The following CHCHD3 variants were observed in gnomAD, a reference collection of about 807,000 sequenced individuals.
The protein encoded by CHCHD3 is MICOS complex subunit MIC19.
CHCHD3 carries 20 observed loss-of-function variants against 38.2 expected under a neutral mutation model. The ratio of observed to expected loss-of-function variants is 0.52; its 90% CI spans 0.37 to 0.76. CHCHD3 has a LOEUF of 0.76. Ranked by LOEUF, CHCHD3 falls within the 30% of genes least tolerant of loss-of-function variation. The pLI is 0.00. For synonymous variants in CHCHD3, 82 were observed against 100.0 expected, an observed-to-expected ratio of 0.82 and a Z score of 1.07; for missense variants, 245 against 279.2, an observed-to-expected ratio of 0.88 and a Z score of 0.87.
chr7:132,999,803 T>C (rs1418034329), intron 3 of CHCHD3, among the ~76,000 whole-genome samples: 1 of 152,162 alleles, frequency 6.6e-6, no homozygotes, highest in Non-Finnish European at 1.5e-5. Flanking sequence ...TCACAAAGTA[T>C]CTTAATTTAG....
At chr7:132,885,030 T>G (rs1460739523) in intron 5 of CHCHD3, among the ~76,000 whole-genome samples, 1 of 152,204 alleles carries the variant, frequency 6.6e-6, no homozygotes, top group African/African-American at 2.4e-5. Flanking sequence ...GGGAGGCAGA[T>G]GACTTGAGGC....
At chr7:132,806,219 T>C (rs1232394484) in intron 6 of CHCHD3, among the ~76,000 whole-genome samples, 1 of 152,074 alleles carries the variant, frequency 6.6e-6, no homozygotes, top group Non-Finnish European at 1.5e-5. Context: ...GACTGATAAA[T>C]GGCCAAGGAA....
chr7:132,802,228 A>G (rs1806811236), intron 6 of CHCHD3, among the ~76,000 whole-genome samples: 1 of 151,762 alleles, frequency 6.6e-6, no homozygotes, highest in Non-Finnish European at 1.5e-5. Context: ...GGAGAGCAGG[A>G]CTCTAATAAC....
At chr7:132,864,263 G>A (rs183569106) in intron 5 of CHCHD3, among the ~76,000 whole-genome samples, 47 of 152,220 alleles carry the variant, frequency 3.1e-4, no homozygotes, top group African/African-American at 6.5e-4. Flanking sequence ...GTATTGTTGC[G>A]TCTCAGGGAA....
At chr7:133,058,003 A>G (rs1814391597) in intron 2 of CHCHD3, among the ~76,000 whole-genome samples, 1 of 152,192 alleles carries the variant, frequency 6.6e-6, no homozygotes, top group Non-Finnish European at 1.5e-5. Context: ...TCACAAAAGC[A>G]GTGTATGGGC....
intron 6 of CHCHD3, among the ~76,000 whole-genome samples, chr7:132,800,236 A>G (rs1383706862): frequency 6.6e-6 from 1 of 152,148 alleles, no homozygotes; most frequent in Non-Finnish European, 1.5e-5. Context: ...TGAAGGACAT[A>G]AATTATTAAC....
chr7:133,054,476 G>T (rs1814254474), intron 2 of CHCHD3, among the ~76,000 whole-genome samples: 1 of 152,056 alleles, frequency 6.6e-6, no homozygotes, highest in Admixed American at 6.6e-5. Flanking sequence ...AAGTCCCTAT[G>T]TATATACGGT....
At chr7:132,883,623 A>G (rs1231507652) in intron 5 of CHCHD3, among the ~76,000 whole-genome samples, 1 of 152,220 alleles carries the variant, frequency 6.6e-6, no homozygotes, top group Non-Finnish European at 1.5e-5. Flanking sequence ...TCTTTCAATT[A>G]GAACAGAGCC....
In CHCHD3 at chr7:132,984,409, G is replaced by C. The variant is rs1437430673; in HGVS notation, c.252-9123C>G. On this transcript the variant is annotated intron_variant, in intron 3 of 7. Coordinates refer to ENST00000262570, the MANE Select transcript of CHCHD3 (RefSeq NM_017812.4). Reference sequence around the variant, plus strand: ...GAGTGCAGTGGCGTGATCTCGGCTCGCTACAACCTCCACCTCCCAGCTGCC... The same window carrying C: ...GAGTGCAGTGGCGTGATCTCGGCTCCCTACAACCTCCACCTCCCAGCTGCC... Among the ~76,000 whole-genome samples the C allele has an allele frequency of 2.1e-3, 315 of 150,874 alleles. 1 individual carries two copies. The highest frequency in any genetic ancestry group is 7.4e-3 in the African/African-American group (303 of 41,140).
intron 3 of CHCHD3, among the ~76,000 whole-genome samples, chr7:132,992,603 G>A (rs536294434): frequency 6.6e-6 from 1 of 151,980 alleles, no homozygotes; most frequent in Non-Finnish European, 1.5e-5. Flanking sequence ...AATATACACT[G>A]GATTTTGAAC....
intron 4 of CHCHD3, among the ~76,000 whole-genome samples, chr7:132,931,416 T>G (rs1169436164): frequency 6.6e-6 from 1 of 152,212 alleles, no homozygotes; most frequent in Non-Finnish European, 1.5e-5. Flanking sequence ...AATGATGAAG[T>G]ACTTTTCTAC....
chr7:133,074,502 T>A (rs756721511), intron 1 of CHCHD3, among the ~76,000 whole-genome samples: 2 of 151,588 alleles, frequency 1.3e-5, no homozygotes, highest in Non-Finnish European at 2.9e-5. Context: ...CCTAGAAAAA[T>A]CCCCGTAAGA....
intron 6 of CHCHD3, among the ~76,000 whole-genome samples, chr7:132,810,264 T>A (rs1807034272): frequency 6.6e-6 from 1 of 152,210 alleles, no homozygotes; most frequent in Non-Finnish European, 1.5e-5. Flanking sequence ...TTCGAAGTAT[T>A]TTATAGCTAA....
intron 4 of CHCHD3, among the ~76,000 whole-genome samples, chr7:132,967,618 C>T (rs990092095): frequency 2.1e-5 from 3 of 144,230 alleles, no homozygotes; most frequent in Admixed American, 7.2e-5. Flanking sequence ...TGGCAAAATG[C>T]TGTTTCTTAA....
At chr7:133,069,074 G>C (rs944473914) in intron 2 of CHCHD3, among the ~76,000 whole-genome samples, 2 of 152,076 alleles carry the variant, frequency 1.3e-5, no homozygotes, top group Admixed American at 6.6e-5. Flanking sequence ...ACTGAGGGTT[G>C]CAAGTAGGGT....
chr7:132,972,104 C>T (rs558881922), intron 4 of CHCHD3, among the ~76,000 whole-genome samples: 1 of 152,224 alleles, frequency 6.6e-6, no homozygotes, highest in Admixed American at 6.5e-5. Context: ...GAACTTTATA[C>T]CTCTAAACAT....
chr7:132,868,032 C>A (rs1001224931), intron 5 of CHCHD3, among the ~76,000 whole-genome samples: 2 of 152,176 alleles, frequency 1.3e-5, no homozygotes, highest in African/African-American at 4.8e-5. Context: ...CGTTCACCCA[C>A]AATTGACAAG....
chr7:133,000,898 G>T (rs1426603534), intron 3 of CHCHD3, among the ~76,000 whole-genome samples: 1 of 152,176 alleles, frequency 6.6e-6, no homozygotes, highest in African/African-American at 2.4e-5. Context: ...CCATAGGACA[G>T]CACAGAGCTA....
chr7:132,829,318 T>C (rs1186231370), intron 6 of CHCHD3, among the ~76,000 whole-genome samples: 1 of 152,168 alleles, frequency 6.6e-6, no homozygotes, highest in Non-Finnish European at 1.5e-5. Context: ...AAATAAGCTA[T>C]CATTTTGGCA....
Sources: gnomAD v4.1 joint callset for allele counts (sites outside exome capture counted in the v4.1 genomes callset) on GRCh38, gnomAD v4.1.1 for gene constraint, MANE v1.5 for transcripts, NCBI Gene and HGNC (gene_info 2026-07-23, HGNC 2026-07-21) for gene names.